The following PCDHGB7 variants were observed in gnomAD, a reference collection of about 807,000 sequenced individuals.
PCDHGB7 encodes protocadherin gamma subfamily B, 7.
In PCDHGB7, 37 loss-of-function variants were observed where a neutral mutation model predicts 61.4. The ratio of observed to expected loss-of-function variants is 0.60; its 90% CI spans 0.46 to 0.79. The LOEUF (loss-of-function observed/expected upper bound fraction) is 0.79. Among genes scored for constraint, PCDHGB7 ranks in the 30% least tolerant of loss-of-function variants. The probability of loss-of-function intolerance (pLI) is 0.00; values close to 1 mark genes in which losing one functional copy is unlikely to be tolerated. For missense variants in PCDHGB7, 1,166 were observed against 1,202.5 expected (o/e 0.97, Z 0.45); for synonymous variants, 464 against 503.5 (o/e 0.92, Z 1.05).
At chr5:141,430,392 A>G (rs2097281137) in intron 1 of PCDHGB7, among the ~76,000 whole-genome samples, 1 of 152,136 alleles carries the variant, frequency 6.6e-6, no homozygotes, top group Non-Finnish European at 1.5e-5. Context: ...GGAAAAAAAA[A>G]AAAAGCTCAC....
At position 141,432,247 on chromosome 5, in the gene PCDHGB7, C is replaced by G. The variant is rs139910620; in HGVS notation, c.2415+11973C>G. 61 of 1,614,264 alleles carry G rather than the reference C, an allele frequency of 3.8e-5. No homozygotes were observed. The African/African-American group carries it at 6.3e-4, about 17-fold the overall frequency. On this transcript the variant is annotated intron_variant, in intron 1 of 3. Transcript: ENST00000398594. The surrounding 1 kb of genome is among the most constrained non-coding windows in gnomAD (Gnocchi z 6.0). ...CTTATTCCCTGGCTGAGAACACCAT[C>G]CAAGGGGCAAGCCTATCGTCCTACG...
chr5:141,437,076 A>T (rs1018228245), intron 1 of PCDHGB7, among the ~76,000 whole-genome samples: 2 of 152,236 alleles, frequency 1.3e-5, no homozygotes, highest in African/African-American at 4.8e-5. Context: ...TTTGGGCCAT[A>T]TAAGAATTGA....
Position 141,418,622 on chromosome 5 carries a change from G to C in PCDHGB7, c.763G>C (p.Val255Leu). The change falls in exon 1 of 4, where the codon GTG becomes CTG. Residue 255 changes from valine (V) to leucine (L), a missense_variant. Transcript: ENST00000398594. ...GTACAGGGTTAGCCTTCGGGAAGAC[G>C]TGCCTCCAGGCACCTCCATCCTGAG... ...DVYRVSLRED[V>L]PPGTSILRVK... 1 of 1,614,026 alleles carries C rather than the reference G, an allele frequency of 6.2e-7. No individual in the cohort carries two copies. Among genetic ancestry groups the C allele is most frequent in the Non-Finnish European group, 8.5e-7 (1 of 1,179,892 alleles).
At chr5:141,509,319 G>A (rs1427191152) in intron 3 of PCDHGB7, among the ~76,000 whole-genome samples, 3 of 152,216 alleles carry the variant, frequency 2.0e-5, no homozygotes, top group African/African-American at 4.8e-5. Context: ...TGGGAGAGAA[G>A]CTCTACTGCC....
Position 141,491,834 on chromosome 5 carries a change from CG to C in PCDHGB7, c.2416-2970del. On this transcript the variant is annotated intron_variant, in intron 1 of 3. Transcript: ENST00000398594. This position sits in a 1 kb window ranked among gnomAD's most constrained non-coding sequence, Gnocchi z 6.9. ...CGCTGGCTGCGCTCCACCCGATTCT[CG>C]GGATCATTGGACCGTTTGCGCGAAA... 1 of 1,473,830 alleles carries C rather than the reference CG, an allele frequency of 6.8e-7. No homozygotes were observed. Among genetic ancestry groups the C allele is most frequent in the Middle Eastern group, 1.8e-4 (1 of 5,590 alleles). The allele number at this position is 1,473,830 out of a possible 1,614,324, so 91.3% of individuals were successfully genotyped here.
intron 1 of PCDHGB7, among the ~76,000 whole-genome samples, chr5:141,475,511 A>T (rs1240718716): frequency 6.6e-6 from 1 of 152,240 alleles, no homozygotes; most frequent in African/African-American, 2.4e-5. Context: ...TAATGTCTCC[A>T]CGGAAATGCT....
intron 2 of PCDHGB7, among the ~76,000 whole-genome samples, chr5:141,504,997 AC>A (rs554150488): frequency 9.9e-5 from 15 of 152,238 alleles, no homozygotes; most frequent in African/African-American, 2.9e-4. Flanking sequence ...CCCCGTCTGT[AC>A]TAAAAATACA....
rs766852982 is a variant in PCDHGB7, at chr5:141,486,907, A to G, written c.2416-7900A>G. ...CCCGGCCTGGTTCCTTATGTCCCCA[A>G]GCACTGCCTCCATCAGTTGGTGCTG... On this transcript the variant is annotated intron_variant, in intron 1 of 3. Coordinates refer to ENST00000398594, the MANE Select transcript of PCDHGB7 (RefSeq NM_018927.4). The surrounding 1 kb of genome is among the most constrained non-coding windows in gnomAD (Gnocchi z 5.0). 6.2e-5 allele frequency: 100 copies of G among 1,614,122 alleles called. No homozygotes were observed. The highest frequency in any genetic ancestry group is 8.0e-5 in the Non-Finnish European group (94 of 1,180,056).
intron 1 of PCDHGB7, chr5:141,427,815 G>A: frequency 6.5e-7 from 1 of 1,527,760 alleles, no homozygotes; most frequent in Non-Finnish European, 9.0e-7. Context: ...ACAGAGCGGG[G>A]TGGTGGTCGC....
At chr5:141,495,213 C>T (rs568314100) in intron 2 of PCDHGB7, among the ~76,000 whole-genome samples, 1 of 152,326 alleles carries the variant, frequency 6.6e-6, no homozygotes, top group South Asian at 2.1e-4. Flanking sequence ...AACCCCCTCC[C>T]CTGAGTTGAG....
intron 1 of PCDHGB7, among the ~76,000 whole-genome samples, chr5:141,454,353 A>G (rs2098787486): frequency 1.3e-5 from 2 of 152,238 alleles, no homozygotes; most frequent in Non-Finnish European, 2.9e-5. Context: ...AGTTGATCCA[A>G]ACTTAGAAAG....
At chr5:141,424,022 A>G (rs2096795541) in intron 1 of PCDHGB7, 13 of 1,046,584 alleles carry the variant, frequency 1.2e-5, no homozygotes, top group Non-Finnish European at 1.4e-5. Context: ...ATGATTCACA[A>G]ACACTTTTTA....
chr5:141,490,517 C>T lies in PCDHGB7; in HGVS notation c.2416-4290C>T. 6.2e-7 allele frequency: 1 copy of T among 1,613,972 alleles called. No homozygotes were observed. The highest frequency in any genetic ancestry group is 2.2e-5 in the East Asian group (1 of 44,854). ...TCCCACTATATCATCGAGCTGCTGG[C>T]CAGCGATGCTGGTTCACCTTCCCTA... On this transcript the variant is annotated intron_variant, in intron 1 of 3. Coordinates refer to ENST00000398594, the MANE Select transcript of PCDHGB7 (RefSeq NM_018927.4). The surrounding 1 kb of genome is among the most constrained non-coding windows in gnomAD (Gnocchi z 5.4).
Position 141,422,832 on chromosome 5 carries a change from A to G in PCDHGB7, c.2415+2558A>G, listed in dbSNP as rs12520854. On this transcript the variant is annotated intron_variant, in intron 1 of 3. Coordinates refer to ENST00000398594, the MANE Select transcript of PCDHGB7 (RefSeq NM_018927.4). Reference sequence around the variant, plus strand: ...GAGACTTAGAACTGAGAGTGATAGCACGTGACAGCGGGGACCCGCCCCTCA... The same window carrying G: ...GAGACTTAGAACTGAGAGTGATAGCGCGTGACAGCGGGGACCCGCCCCTCA... The G allele has an allele frequency of 6.8e-3, 10,902 of 1,614,192 alleles. 60 individuals are homozygous for G. The highest frequency in any genetic ancestry group is 7.9e-3 in the Non-Finnish European group (9,294 of 1,180,036).
At chr5:141,438,607 T>C (rs924136790) in intron 1 of PCDHGB7, among the ~76,000 whole-genome samples, 2 of 27,412 alleles carry the variant, frequency 7.3e-5, no homozygotes. Flanking sequence ...TATATATATA[T>C]ATATATATAT....
At chr5:141,459,319 T>G (rs1270005431) in intron 1 of PCDHGB7, among the ~76,000 whole-genome samples, 1 of 152,216 alleles carries the variant, frequency 6.6e-6, no homozygotes, top group Non-Finnish European at 1.5e-5. Context: ...TTTGTATCCA[T>G]CTTCTTTTAC....
intron 1 of PCDHGB7, chr5:141,433,015 C>T (rs2154555449): frequency 2.5e-6 from 4 of 1,614,172 alleles, no homozygotes; most frequent in South Asian, 2.2e-5. Flanking sequence ...TCCTGCAGAC[C>T]TATTCCCACG....
chr5:141,432,050 C>T lies in PCDHGB7; in HGVS notation c.2415+11776C>T. The stretch of plus-strand genomic sequence containing the variant: ...GACCGCCACTGACCGGGGAACCCCG[C>T]CCCTATCCACGGAAACTCATATCTC... On this transcript the variant is annotated intron_variant, in intron 1 of 3. Transcript: ENST00000398594. The surrounding 1 kb of genome is among the most constrained non-coding windows in gnomAD (Gnocchi z 6.0). The T allele has an allele frequency of 6.2e-7, 1 of 1,614,218 alleles. No individual in the cohort carries two copies. The highest frequency in any genetic ancestry group is 8.5e-7 in the Non-Finnish European group (1 of 1,180,044).
rs771867567 is a variant in PCDHGB7 at position 141,419,867 on chromosome 5, G to A, written c.2008G>A (p.Glu670Lys). 3.1e-6 allele frequency: 5 copies of A among 1,614,086 alleles called. No homozygotes were observed. In the South Asian group the frequency reaches 5.5e-5, roughly 18 times the overall value. Residue 670 changes from glutamate to lysine, a missense_variant, in exon 1 of 4, where the codon GAG (glutamate) becomes AAG (lysine). Transcript: ENST00000398594. ...LHLVFADSLQ[E>K]VLPDFSDHPT... Reference sequence around the variant, plus strand: ...CCTGGTGTTCGCAGATAGCTTGCAAGAGGTACTGCCGGATTTCAGCGACCA... The same window carrying A: ...CCTGGTGTTCGCAGATAGCTTGCAAAAGGTACTGCCGGATTTCAGCGACCA...
Sources: allele counts gnomAD v4.1 joint callset (sites outside exome capture counted in the v4.1 genomes callset), GRCh38; gene constraint gnomAD v4.1.1; non-coding constraint Gnocchi (gnomAD v3.1); transcripts MANE v1.5; gene names NCBI Gene and HGNC (gene_info 2026-07-23, HGNC 2026-07-21).